Variants in CCDC15 observed in about 807,000 individuals in gnomAD.
The protein encoded by CCDC15 is coiled-coil domain-containing protein 15.
Under a neutral mutation model 114.5 loss-of-function variants are expected in CCDC15, and 105 were observed. The ratio of observed to expected loss-of-function variants is 0.92; its 90% CI spans 0.78 to 1.08. The LOEUF (loss-of-function observed/expected upper bound fraction) is 1.08, where lower values mean the gene tolerates loss of function less well. CCDC15 is among the 50% of genes least tolerant of loss of function. The pLI is 0.00. For synonymous variants in CCDC15, 334 were observed against 377.8 expected, an observed-to-expected ratio of 0.88 and a Z score of 1.34; for missense variants, 1,105 against 1,093.6, an observed-to-expected ratio of 1.01 and a Z score of -0.15.
At position 125,038,911 on chromosome 11, in the gene CCDC15, A is replaced by G. The variant is rs1414452836; in HGVS notation, c.2586-10A>G. The G allele has an allele frequency of 1.2e-6, 2 of 1,606,746 alleles. No homozygotes were observed. The highest frequency in any genetic ancestry group is 1.3e-5 in the African/African-American group (1 of 74,672). On this transcript the variant is annotated splice_polypyrimidine_tract_variant and intron_variant, in intron 14 of 15. Transcript: ENST00000344762. ...AGTTCACTTTGCCTGATTATACTTT[A>G]TTTGTACAGATATGTAGAAGCTTTA...
At chr11:125,025,269 T>C (rs912346308) in intron 13 of CCDC15, among the ~76,000 whole-genome samples, 5 of 150,780 alleles carry the variant, frequency 3.3e-5, no homozygotes, top group African/African-American at 1.2e-4. Context: ...TTGGTAATAA[T>C]GTATTATCCT....
At chr11:124,994,153 CTTATACA>C (rs1251067631) in intron 11 of CCDC15, among the ~76,000 whole-genome samples, 3 of 152,148 alleles carry the variant, frequency 2.0e-5, no homozygotes, top group Non-Finnish European at 4.4e-5. Context: ...TCTTTTAGAA[CTTATACA>C]TTAGGCAGCA....
Position 124,959,096 on chromosome 11 carries a change from C to G in CCDC15, c.178-19C>G, listed in dbSNP as rs769215668. Reference sequence around the variant, plus strand: ...AACTGCTAACATTTAAGTTCATTTTCTGTCTTTCATCTTTAAAGACATCAG... The same window carrying G: ...AACTGCTAACATTTAAGTTCATTTTGTGTCTTTCATCTTTAAAGACATCAG... On this transcript the variant is annotated intron_variant, in intron 2 of 15. Coordinates refer to ENST00000344762, the MANE Select transcript of CCDC15 (RefSeq NM_025004.3). 2 of 1,511,888 alleles carry G rather than the reference C, an allele frequency of 1.3e-6. No individual in the cohort carries two copies. Among genetic ancestry groups the G allele is most frequent in the African/African-American group, 2.8e-5 (2 of 70,528 alleles). 93.7% of individuals were successfully genotyped at this position (1,511,888 alleles called of 1,614,324 possible). A position where few individuals can be genotyped will look rare whatever the true frequency, so the allele number is the denominator to read the frequency against.
At chr11:124,967,193 G>A (rs145756998) in intron 4 of CCDC15, among the ~76,000 whole-genome samples, 54 of 152,252 alleles carry the variant, frequency 3.5e-4, no homozygotes, top group African/African-American at 1.3e-3. Context: ...GCCTTGCTAG[G>A]TTGGGGAAGT....
intron 13 of CCDC15, among the ~76,000 whole-genome samples, chr11:125,028,418 G>A (rs893971928): frequency 5.3e-5 from 8 of 152,110 alleles, no homozygotes; most frequent in Non-Finnish European, 2.9e-5. Flanking sequence ...CCATTTGTTT[G>A]TGTCATCTAT....
chr11:124,963,879 G>A (rs1029183210), intron 4 of CCDC15, among the ~76,000 whole-genome samples: 7 of 152,180 alleles, frequency 4.6e-5, no homozygotes, highest in African/African-American at 1.4e-4. Flanking sequence ...AGTTTTCCCA[G>A]CACCATTTAT....
chr11:124,954,685 T>G, intron 1 of CCDC15, 39 bp from the exon 2 acceptor site: 1 of 1,586,808 alleles, frequency 6.3e-7, no homozygotes, highest in Non-Finnish European at 8.6e-7. Context: ...TTTAATGCAG[T>G]CATTTGAAGA....
In CCDC15 at chr11:124,987,391, C is replaced by T. The variant is rs866503305; in HGVS notation, c.1165C>T (p.Gln389Ter). The T allele has an allele frequency of 1.9e-6, 3 of 1,613,994 alleles. No individual in the cohort carries two copies. Among genetic ancestry groups the T allele is most frequent in the Middle Eastern group, 3.3e-4 (2 of 6,062 alleles). ...PEGQPIKTETQGIMLKAQSIE... is the reference protein window; with the variant it reads ...PEGQPIKTET Reference sequence around the variant, plus strand: ...AGGCCAGCCTATTAAGACAGAAACTCAGGGTATTATGCTGAAAGCCCAGAG... The same window carrying T: ...AGGCCAGCCTATTAAGACAGAAACTTAGGGTATTATGCTGAAAGCCCAGAG... The change falls in exon 8 of 16, where the codon CAG (glutamine) becomes TAG (stop). Residue 389 changes from glutamine to a stop codon, truncating the protein, a stop_gained. Transcript: ENST00000344762. LOFTEE classifies it high-confidence loss of function.
intron 4 of CCDC15, among the ~76,000 whole-genome samples, chr11:124,972,973 T>C (rs1185404714): frequency 6.6e-6 from 1 of 152,202 alleles, no homozygotes; most frequent in Non-Finnish European, 1.5e-5. Flanking sequence ...CCCTTTTTTC[T>C]TATAAAGTAA....
At chr11:125,000,490 G>T (rs1430567109) in intron 11 of CCDC15, among the ~76,000 whole-genome samples, 1 of 152,128 alleles carries the variant, frequency 6.6e-6, no homozygotes, top group Non-Finnish European at 1.5e-5. Flanking sequence ...GATCCCAGGA[G>T]CTACATTTCT....
intron 13 of CCDC15, 61 bp from the exon 14 acceptor site, chr11:125,038,370 G>C: frequency 3.6e-6 from 4 of 1,107,524 alleles, no homozygotes; most frequent in Non-Finnish European, 4.9e-6. Flanking sequence ...TTTGGATAAA[G>C]AAGCTAATTT....
intron 13 of CCDC15, among the ~76,000 whole-genome samples, chr11:125,010,383 T>G (rs1429356922): frequency 6.6e-6 from 1 of 151,228 alleles, no homozygotes; most frequent in Non-Finnish European, 1.5e-5. Context: ...GCCTGGTGTT[T>G]TTTTTTTTTT....
chr11:125,002,380 A>C (rs1332025676), intron 11 of CCDC15, among the ~76,000 whole-genome samples: 3 of 152,172 alleles, frequency 2.0e-5, no homozygotes, highest in Admixed American at 6.6e-5. Context: ...TTTCCTCTGC[A>C]GCACAAAAGT....
chr11:125,011,746 A>T (rs1468657379), intron 13 of CCDC15, among the ~76,000 whole-genome samples: 2 of 151,828 alleles, frequency 1.3e-5, no homozygotes, highest in Non-Finnish European at 2.9e-5. Context: ...TGTACCTTAC[A>T]TCTAAGTATT....
intron 13 of CCDC15, among the ~76,000 whole-genome samples, chr11:125,035,925 TTATTG>T (rs1415243408): frequency 2.0e-5 from 3 of 152,252 alleles, no homozygotes; most frequent in African/African-American, 7.2e-5. Context: ...TACTTATATT[TTATTG>T]TACTATGTCT....
Position 125,003,854 on chromosome 11 carries a change from A to T in CCDC15, c.2215-13A>T. On this transcript the variant is annotated splice_polypyrimidine_tract_variant and intron_variant, in intron 11 of 15. Coordinates refer to ENST00000344762, the MANE Select transcript of CCDC15 (RefSeq NM_025004.3). The stretch of plus-strand genomic sequence containing the variant: ...TAATTTTGTCACTTTGTGTGACTGG[A>T]CCTTCTTAACAGGCTTATGATAGGT... 5.4e-6 allele frequency: 8 copies of T among 1,486,012 alleles called. No homozygotes were observed. The highest frequency in any genetic ancestry group is 7.2e-6 in the Non-Finnish European group (8 of 1,105,306). 92.1% of individuals were successfully genotyped at this position (1,486,012 alleles called of 1,614,324 possible).
intron 13 of CCDC15, among the ~76,000 whole-genome samples, chr11:125,021,614 A>G (rs944533038): frequency 2.6e-5 from 4 of 151,868 alleles, no homozygotes; most frequent in African/African-American, 9.7e-5. Context: ...ATATTGGAGC[A>G]GATGAAGAAG....
At chr11:125,004,503 G>T (rs1948528280) in intron 12 of CCDC15, among the ~76,000 whole-genome samples, 1 of 151,972 alleles carries the variant, frequency 6.6e-6, no homozygotes, top group South Asian at 2.1e-4. Context: ...TTACCAAAAA[G>T]CCCTGCACTA....
At chr11:125,022,087 G>A (rs949250790) in intron 13 of CCDC15, among the ~76,000 whole-genome samples, 9 of 151,810 alleles carry the variant, frequency 5.9e-5, no homozygotes, top group Non-Finnish European at 7.4e-5. Context: ...TCTTAGGCTC[G>A]TCTTTTAACT....
Sources: gnomAD v4.1 joint callset for allele counts (sites outside exome capture counted in the v4.1 genomes callset) on GRCh38, gnomAD v4.1.1 for gene constraint, MANE v1.5 for transcripts, NCBI Gene and HGNC (gene_info 2026-07-23, HGNC 2026-07-21) for gene names.